Variants in SH2B3 observed in about 807,000 individuals in gnomAD.
SH2B3 encodes SH2B adapter protein 3.
In SH2B3, 43 loss-of-function variants were observed where a neutral mutation model predicts 51.9. The ratio of observed to expected loss-of-function variants is 0.83; its 90% CI spans 0.65 to 1.07. SH2B3 has a LOEUF of 1.07. Ranked by LOEUF, SH2B3 falls within the 50% of genes least tolerant of loss-of-function variation. The pLI is 0.00. For missense variants in SH2B3, 952 were observed against 834.3 expected (o/e 1.14, Z -1.74); for synonymous variants, 396 against 376.0 (o/e 1.05, Z -0.62).
At chr12:111,414,485 G>A (rs1870931303) in intron 1 of SH2B3, among the ~76,000 whole-genome samples, 1 of 152,062 alleles carries the variant, frequency 6.6e-6, no homozygotes, top group South Asian at 2.1e-4. Flanking sequence ...TTAGCACTTT[G>A]GGAGGCCAAG....
chr12:111,436,997 C>T (rs186439885), intron 2 of SH2B3, among the ~76,000 whole-genome samples: 1 of 152,114 alleles, frequency 6.6e-6, no homozygotes, highest in African/African-American at 2.4e-5. Context: ...GCTGGGGTGC[C>T]ACCTGCCTGG....
At chr12:111,413,638 C>T (rs1870873148) in intron 1 of SH2B3, among the ~76,000 whole-genome samples, 1 of 152,048 alleles carries the variant, frequency 6.6e-6, no homozygotes, top group African/African-American at 2.4e-5. Context: ...GCCCAGGGGG[C>T]GGGGGAGGTT....
intron 2 of SH2B3, among the ~76,000 whole-genome samples, chr12:111,428,265 G>A (rs1872166895): frequency 6.6e-6 from 1 of 152,220 alleles, no homozygotes; most frequent in South Asian, 2.1e-4. Context: ...TGGAGAAGTG[G>A]TAGAAGAGGG....
chr12:111,415,954 T>C (rs972313310), intron 1 of SH2B3, among the ~76,000 whole-genome samples: 1 of 151,832 alleles, frequency 6.6e-6, no homozygotes, highest in Non-Finnish European at 1.5e-5. Flanking sequence ...TTTATTTATT[T>C]ATTTAGAGAC....
At chr12:111,422,717 C>T (rs1457581874) in intron 2 of SH2B3, among the ~76,000 whole-genome samples, 3 of 152,244 alleles carry the variant, frequency 2.0e-5, no homozygotes, top group East Asian at 1.9e-4. Flanking sequence ...CATGCTACCA[C>T]GCCTGGCTAA....
intron 2 of SH2B3, among the ~76,000 whole-genome samples, chr12:111,420,913 T>C (rs1381122057): frequency 6.6e-6 from 1 of 152,246 alleles, no homozygotes; most frequent in African/African-American, 2.4e-5. Flanking sequence ...TCAAACTGAC[T>C]GTGGCGTAAC....
rs565957592 is a variant in SH2B3, at chr12:111,451,572, G to A, written c.*3270G>A. ...CTTATTCTTGAATAATGCAAATTTT[G>A]CTATAATGTACAAATTGCTATATGT... On this transcript the variant is annotated 3_prime_UTR_variant, in exon 8 of 8. Transcript: ENST00000341259. 5.9e-5 allele frequency: 9 copies of A among 152,718 alleles called. No individual in the cohort carries two copies. In the East Asian group the frequency reaches 1.7e-3, roughly 29 times the overall value. 9.5% of individuals were successfully genotyped at this position (152,718 alleles called of 1,614,324 possible). A position where few individuals can be genotyped will look rare whatever the true frequency, so the allele number is the denominator to read the frequency against.
Position 111,448,228 on chromosome 12 carries a change from G to GA in SH2B3, c.1655dup (p.Asp552GlufsTer100). 1 of 1,614,156 alleles carries GA rather than the reference G, an allele frequency of 6.2e-7. No homozygotes were observed. On this transcript the variant is annotated frameshift_variant, in exon 8 of 8. Transcript: ENST00000341259. LOFTEE classifies it high-confidence loss of function. ...GCATGAGCCTGTGAATCGAGCCCGG[G>GA]ACTCGGACTACGAAATGGACTCATC... is the stretch of plus-strand genomic sequence containing the variant.
At chr12:111,420,367 C>CAAAAAAAA (rs59301682) in intron 2 of SH2B3, among the ~76,000 whole-genome samples, 1 of 64,474 alleles carries the variant, frequency 1.6e-5, no homozygotes. Context: ...GACCCTGTCT[C>CAAAAAAAA]AAAAAAAAAA....
At position 111,438,639 on chromosome 12, in the gene SH2B3, G is replaced by GA. The variant is rs1593065465; in HGVS notation, c.733-8114_733-8113insA. Among the ~76,000 whole-genome samples the GA allele has an allele frequency of 1.3e-5, 2 of 152,342 alleles. No homozygotes were observed. Among genetic ancestry groups the GA allele is most frequent in the East Asian group, 3.9e-4 (2 of 5,180 alleles). On this transcript the variant is annotated intron_variant, in intron 2 of 7. Transcript: ENST00000341259. This position sits in a 1 kb window ranked among gnomAD's most constrained non-coding sequence, Gnocchi z 4.2. Reference sequence around the variant, plus strand: ...CGGCCAAGGACACCACGTGAGCAAAGCCAAGTCACGGCAGAGACCTGCATC... The same window carrying GA: ...CGGCCAAGGACACCACGTGAGCAAAGACCAAGTCACGGCAGAGACCTGCATC...
In SH2B3 at chr12:111,409,269, G is replaced by A. The variant is rs141903866; in HGVS notation, c.-28+2992G>A. Among the ~76,000 whole-genome samples the A allele has an allele frequency of 1.1e-4, 17 of 152,296 alleles. No homozygotes were observed. In the East Asian group the frequency reaches 3.3e-3, roughly 29 times the overall value. Reference sequence around the variant, plus strand: ...GTCTTTTTGTCTATGAAATAGGGGGGTTGCCAACTCCCTGTTAGGGTGGTT... The same window carrying A: ...GTCTTTTTGTCTATGAAATAGGGGGATTGCCAACTCCCTGTTAGGGTGGTT... On this transcript the variant is annotated intron_variant, in intron 1 of 7. Transcript: ENST00000341259. The surrounding 1 kb of genome is among the most constrained non-coding windows in gnomAD (Gnocchi z 4.0).
chr12:111,421,289 C>T (rs1287697181), intron 2 of SH2B3, among the ~76,000 whole-genome samples: 1 of 151,996 alleles, frequency 6.6e-6, no homozygotes, highest in Non-Finnish European at 1.5e-5. Context: ...ATCACCGTCA[C>T]GTGCCACCAC....
Position 111,418,022 on chromosome 12 carries a change from G to A in SH2B3, c.-27-97G>A, listed in dbSNP as rs1441657535. On this transcript the variant is annotated intron_variant, in intron 1 of 7. Coordinates refer to ENST00000341259, the MANE Select transcript of SH2B3 (RefSeq NM_005475.3). The surrounding 1 kb of genome is among the most constrained non-coding windows in gnomAD (Gnocchi z 6.7). ...CACCAGCACTGGGTGTTATGGTCGC[G>A]TTGGATTTCTGCTGTGGTGCCCGGT... The A allele has an allele frequency of 4.4e-6, 4 of 908,564 alleles. No individual in the cohort carries two copies. Among genetic ancestry groups the A allele is most frequent in the Non-Finnish European group, 4.8e-6 (3 of 626,730 alleles). The allele number at this position is 908,564 out of a possible 1,614,324, so 56.3% of individuals were successfully genotyped here.
At chr12:111,434,573 T>G (rs1368982030) in intron 2 of SH2B3, among the ~76,000 whole-genome samples, 2 of 152,246 alleles carry the variant, frequency 1.3e-5, no homozygotes, top group Non-Finnish European at 2.9e-5. Context: ...TCTTGACCTA[T>G]GGGGGTTTGC....
chr12:111,433,090 G>A (rs1357557191), intron 2 of SH2B3, among the ~76,000 whole-genome samples: 4 of 152,180 alleles, frequency 2.6e-5, no homozygotes, highest in Admixed American at 6.5e-5. Flanking sequence ...GGTGGCTAAC[G>A]CCAGTAATCC....
intron 2 of SH2B3, among the ~76,000 whole-genome samples, chr12:111,439,853 G>A (rs1359099856): frequency 6.6e-6 from 1 of 152,206 alleles, no homozygotes; most frequent in Non-Finnish European, 1.5e-5. Flanking sequence ...TTCCAGCCTG[G>A]CTCCTCTCTC....
In SH2B3 at chr12:111,410,093, A is replaced by T. The variant is rs1270275552; in HGVS notation, c.-28+3816A>T. Among the ~76,000 whole-genome samples, 2 of 152,152 alleles carry T rather than the reference A, an allele frequency of 1.3e-5. No individual in the cohort carries two copies. Among genetic ancestry groups the T allele is most frequent in the Non-Finnish European group, 2.9e-5 (2 of 67,956 alleles). ...TGGGGAGCCGGCTGCTGCCCAGGAC[A>T]TGTGTCCCCAGGGAGGCCTGGGAGG... is the stretch of plus-strand genomic sequence containing the variant. On this transcript the variant is annotated intron_variant, in intron 1 of 7. Coordinates refer to ENST00000341259, the MANE Select transcript of SH2B3 (RefSeq NM_005475.3). The surrounding 1 kb of genome is among the most constrained non-coding windows in gnomAD (Gnocchi z 4.9).
intron 2 of SH2B3, among the ~76,000 whole-genome samples, chr12:111,445,957 G>C (rs1307960835): frequency 6.6e-6 from 1 of 152,252 alleles, no homozygotes; most frequent in Admixed American, 6.5e-5. Flanking sequence ...CCTTTGGGCT[G>C]CCTCTGCTTT....
intron 2 of SH2B3, among the ~76,000 whole-genome samples, chr12:111,437,448 T>TG (rs1872979258): frequency 1.3e-5 from 2 of 151,770 alleles, no homozygotes; most frequent in South Asian, 4.2e-4. Flanking sequence ...ATGAACAGGG[T>TG]GGTGGGGGTC....
Sources: allele counts gnomAD v4.1 joint callset (sites outside exome capture counted in the v4.1 genomes callset), GRCh38; gene constraint gnomAD v4.1.1; non-coding constraint Gnocchi (gnomAD v3.1); transcripts MANE v1.5; gene names NCBI Gene and HGNC (gene_info 2026-07-23, HGNC 2026-07-21).